The following ANKRD30B variants were observed in gnomAD, a reference collection of about 807,000 sequenced individuals.
ANKRD30B encodes ankyrin repeat domain 30B, also known as ankyrin repeat domain-containing protein 30B.
A neutral mutation model predicts 202.2 loss-of-function variants in ANKRD30B; 144 were observed. The observed-to-expected ratio is 0.71, with a 90% confidence interval of 0.62 to 0.82. The LOEUF is 0.82. Ranked by LOEUF, ANKRD30B falls within the 40% of genes least tolerant of loss-of-function variation. ANKRD30B has a pLI of 0.00. For synonymous variants in ANKRD30B, 508 were observed against 561.3 expected (o/e 0.91, Z 1.34); for missense variants, 1,487 against 1,669.1 (o/e 0.89, Z 1.90).
intron 7 of ANKRD30B, among the ~76,000 whole-genome samples, chr18:14,766,261 A>G (rs1916119048): frequency 6.6e-6 from 1 of 151,876 alleles, no homozygotes; most frequent in Admixed American, 6.6e-5. Flanking sequence ...TCATGAGGTC[A>G]GGAGATGGAG....
intron 12 of ANKRD30B, among the ~76,000 whole-genome samples, 167 bp from the exon 13 acceptor site, chr18:14,784,169 T>A (rs1037951560): frequency 6.6e-6 from 1 of 152,118 alleles, no homozygotes; most frequent in Non-Finnish European, 1.5e-5. Context: ...TTCAGTGAAT[T>A]CCTGTCATGT....
chr18:14,829,852 C>T (rs1272236179), intron 33 of ANKRD30B, among the ~76,000 whole-genome samples: 1 of 152,094 alleles, frequency 6.6e-6, no homozygotes, highest in African/African-American at 2.4e-5. Context: ...GCTTAGAGCC[C>T]CTTCAGTGCT....
At chr18:14,883,369 G>GTCTCTC in the ANKRD30B span, among the ~76,000 whole-genome samples, 3 of 84,616 alleles carry the variant, frequency 3.5e-5, no homozygotes, top group African/African-American at 1.7e-4. Context: ...CTGTCTGTCT[G>GTCTCTC]TCTCTCTCTC....
chr18:14,832,928 T>TTTTG (rs1295986572), intron 34 of ANKRD30B, among the ~76,000 whole-genome samples: 3 of 152,086 alleles, frequency 2.0e-5, no homozygotes, highest in African/African-American at 7.2e-5. Context: ...TCAACTCATG[T>TTTTG]TTTGTTTGTT....
chr18:14,871,924 C>T, the ANKRD30B span, among the ~76,000 whole-genome samples: 1 of 152,190 alleles, frequency 6.6e-6, no homozygotes, highest in Non-Finnish European at 1.5e-5. Context: ...CTGATATATA[C>T]ACAAACATGT....
downstream of ANKRD30B, among the ~76,000 whole-genome samples, chr18:14,856,350 A>G (rs1342491522): frequency 4.5e-3 from 280 of 61,884 alleles, no homozygotes; most frequent in East Asian, 9.4e-3. Context: ...CAGATGGGGC[A>G]GCCGGGCAGA....
Position 14,851,882 on chromosome 18 carries a change from C to G in ANKRD30B, c.3938C>G (p.Thr1313Arg). The G allele has an allele frequency of 6.3e-7, 1 of 1,590,118 alleles. No individual in the cohort carries two copies. The highest frequency in any genetic ancestry group is 8.6e-7 in the Non-Finnish European group (1 of 1,167,090). ...TTACAAGACCATGATCAAAGTGTCA[C>G]ATCAAGAAAAAACCAAGAACTTGCT... ...SALQDHDQSV[T>R]SRKNQELAFH... The change falls in exon 42 of 44, where the codon ACA becomes AGA. Residue 1313 changes from threonine (T) to arginine (R), a missense_variant. Thr to Arg is a moderately conservative substitution (Grantham distance 71). Transcript: ENST00000690538.
At chr18:14,770,337 G>C (rs1170512725) in intron 8 of ANKRD30B, among the ~76,000 whole-genome samples, 1 of 152,108 alleles carries the variant, frequency 6.6e-6, no homozygotes, top group Non-Finnish European at 1.5e-5. Context: ...TGGAAAAATG[G>C]TTGTTCAGAT....
At position 14,750,864 on chromosome 18, in the gene ANKRD30B, A is replaced by C. The variant is rs555540782; in HGVS notation, c.222-1702A>C. On this transcript the variant is annotated intron_variant, in intron 1 of 43. Transcript: ENST00000690538. ...CTTGTGTTATCTGAAATTATGTCCA[A>C]AATTTGATAACATTTGCTATTTGAG... Among the ~76,000 whole-genome samples the C allele has an allele frequency of 6.2e-4, 94 of 152,200 alleles. No homozygotes were observed. In the Middle Eastern group the frequency reaches 0.01, roughly 17 times the overall value.
the ANKRD30B span, among the ~76,000 whole-genome samples, chr18:14,896,488 T>A: frequency 2.6e-5 from 4 of 151,316 alleles, no homozygotes; most frequent in East Asian, 3.9e-4. Flanking sequence ...ATTCTACTAA[T>A]TTTTAAATGC....
chr18:14,830,949 G>A (rs527920885), intron 33 of ANKRD30B, among the ~76,000 whole-genome samples: 3 of 152,172 alleles, frequency 2.0e-5, no homozygotes, highest in South Asian at 4.2e-4. Flanking sequence ...TTGGGAGGCC[G>A]AGGCGGGCAG....
the ANKRD30B span, among the ~76,000 whole-genome samples, chr18:14,934,474 G>T: frequency 6.6e-6 from 1 of 152,218 alleles, no homozygotes; most frequent in Non-Finnish European, 1.5e-5. Flanking sequence ...CTGTTTCCCT[G>T]AGGCTGCACT....
At chr18:14,817,582 G>A (rs1970183011) in intron 30 of ANKRD30B, among the ~76,000 whole-genome samples, 1 of 152,112 alleles carries the variant, frequency 6.6e-6, no homozygotes, top group African/African-American at 2.4e-5. Context: ...TCTTGTCTTA[G>A]AAAGGTCAAA....
intron 39 of ANKRD30B, among the ~76,000 whole-genome samples, chr18:14,846,844 G>A (rs1239021034): frequency 1.3e-5 from 2 of 151,510 alleles, no homozygotes; most frequent in Non-Finnish European, 2.9e-5. Context: ...GTGTTATACA[G>A]GTAGATCTCA....
chr18:14,785,983 A>C (rs1045949284), intron 14 of ANKRD30B, among the ~76,000 whole-genome samples: 1 of 134,744 alleles, frequency 7.4e-6, no homozygotes, highest in Admixed American at 8.9e-5. Flanking sequence ...GCTTGCAGTG[A>C]GCCGAGATTG....
At chr18:14,923,258 G>T in the ANKRD30B span, among the ~76,000 whole-genome samples, 1 of 152,166 alleles carries the variant, frequency 6.6e-6, no homozygotes, top group Admixed American at 6.5e-5. Context: ...GGGCCTGCCC[G>T]GGGTCAAAGG....
the ANKRD30B span, among the ~76,000 whole-genome samples, chr18:14,890,545 C>T: frequency 2.0e-5 from 3 of 150,842 alleles, no homozygotes; most frequent in East Asian, 5.8e-4. Flanking sequence ...CACAGAGAAA[C>T]TAAGAAATTT....
At chr18:14,755,368 CTT>C (rs1914166661) in intron 4 of ANKRD30B, among the ~76,000 whole-genome samples, 1 of 151,848 alleles carries the variant, frequency 6.6e-6, no homozygotes, top group East Asian at 1.9e-4. Flanking sequence ...ATTTTTCTAA[CTT>C]CTCTTTTTTA....
At chr18:14,847,748 C>T (rs1971712970) in intron 39 of ANKRD30B, among the ~76,000 whole-genome samples, 1 of 151,704 alleles carries the variant, frequency 6.6e-6, no homozygotes, top group Non-Finnish European at 1.5e-5. Flanking sequence ...GCCTTTCAGA[C>T]TATTCATTTT....
Sources: gnomAD v4.1 joint callset for allele counts (sites outside exome capture counted in the v4.1 genomes callset) on GRCh38, gnomAD v4.1.1 for gene constraint, MANE v1.5 for transcripts, NCBI Gene and HGNC (gene_info 2026-07-23, HGNC 2026-07-21) for gene names.